Variants in PIGN observed in about 807,000 individuals in gnomAD.
PIGN encodes phosphatidylinositol glycan anchor biosynthesis class N.
In PIGN, 117 loss-of-function variants were observed where a neutral mutation model predicts 125.4. That is an observed-to-expected ratio of 0.93 (90% CI 0.80 to 1.09). The LOEUF is 1.09. Ranked by LOEUF, PIGN falls within the 50% of genes least tolerant of loss-of-function variation. PIGN has a pLI of 0.00. For synonymous variants in PIGN, 392 were observed against 377.8 expected (o/e 1.04, Z -0.44); for missense variants, 1,075 against 1,094.9 (o/e 0.98, Z 0.26).
chr18:62,119,416 C>CTATT (rs2035211775), intron 14 of PIGN, among the ~76,000 whole-genome samples: 4 of 152,252 alleles, frequency 2.6e-5, no homozygotes, highest in African/African-American at 7.2e-5. Flanking sequence ...AGAACAGAAT[C>CTATT]TATTTTTTTA....
Position 62,161,321 on chromosome 18 carries a change from T to G in PIGN, c.33A>C (p.Ile11=). The G allele has an allele frequency of 6.2e-7, 1 of 1,613,228 alleles. No individual in the cohort carries two copies. The highest frequency in any genetic ancestry group is 1.3e-5 in the African/African-American group (1 of 75,042). Reference sequence around the variant, plus strand: ...AGATGGAGGCGAAGAACACAAAATGTATAAGCAATCCCAAAGTAAAGAACA... The same window carrying G: ...AGATGGAGGCGAAGAACACAAAATGGATAAGCAATCCCAAAGTAAAGAACA... MLLFFTLGLL[I]HFVFFASIFD... is the part of the protein sequence containing the mutation. Residue 11 remains isoleucine (I), a synonymous_variant, in exon 4 of 31, where the codon ATA becomes ATC. Transcript: ENST00000640252.
intron 4 of PIGN, among the ~76,000 whole-genome samples, chr18:62,160,276 G>A (rs1243512242): frequency 6.6e-6 from 1 of 152,094 alleles, no homozygotes; most frequent in East Asian, 1.9e-4. Context: ...CCACTAATCA[G>A]AAAAAGAGCA....
chr18:62,140,293 G>A, intron 12 of PIGN, 127 bp downstream of exon 12: 2 of 470,812 alleles, frequency 4.2e-6, no homozygotes, highest in South Asian at 2.9e-5. Flanking sequence ...ACCAGCCTGG[G>A]CAACATAGCA....
intron 16 of PIGN, among the ~76,000 whole-genome samples, chr18:62,111,516 T>A (rs960246790): frequency 6.6e-6 from 1 of 152,218 alleles, no homozygotes; most frequent in Non-Finnish European, 1.5e-5. Context: ...TTACATATCT[T>A]AAAGTTTTCT....
intron 1 of PIGN, among the ~76,000 whole-genome samples, chr18:62,183,339 G>A (rs1303705502): frequency 6.6e-6 from 1 of 151,530 alleles, no homozygotes; most frequent in East Asian, 1.9e-4. Flanking sequence ...GTCTTTTATA[G>A]ACTAGCCTCT....
intron 1 of PIGN, among the ~76,000 whole-genome samples, chr18:62,175,455 T>G (rs2037491855): frequency 6.6e-6 from 1 of 152,230 alleles, no homozygotes; most frequent in Non-Finnish European, 1.5e-5. Context: ...ATTTCCATTT[T>G]CTTCCCTTTC....
chr18:62,120,204 GGGGGAAGGGGAA>G (rs74265165), intron 14 of PIGN, among the ~76,000 whole-genome samples: 6 of 151,888 alleles, frequency 4.0e-5, no homozygotes, highest in Non-Finnish European at 8.8e-5. Flanking sequence ...AAAAGCAGCT[GGGGGAAGGGGAA>G]GGGGAAGGGG....
chr18:62,153,382 G>A (rs919948778), intron 7 of PIGN: 16 of 152,020 alleles, frequency 1.1e-4, no homozygotes, highest in South Asian at 6.2e-4. Flanking sequence ...GTTCACTACC[G>A]TGTCAAGACT....
chr18:62,068,191 G>A (rs182726837), intron 30 of PIGN, among the ~76,000 whole-genome samples: 20 of 152,288 alleles, frequency 1.3e-4, no homozygotes, highest in Non-Finnish European at 2.5e-4. Context: ...CCATGGGGAT[G>A]AAGGAAGGAG....
intron 28 of PIGN, among the ~76,000 whole-genome samples, chr18:62,076,311 T>A (rs961595529): frequency 1.3e-5 from 2 of 152,232 alleles, no homozygotes; most frequent in African/African-American, 4.8e-5. Flanking sequence ...CATCTGTATA[T>A]CTTCTTCAGG....
intron 16 of PIGN, chr18:62,110,297 A>G (rs940308733): frequency 1.2e-5 from 3 of 241,174 alleles, no homozygotes; most frequent in African/African-American, 6.8e-5. Flanking sequence ...ATAAATGTTG[A>G]TTGAGTTCTC....
chr18:62,164,035 G>A (rs555214663), intron 1 of PIGN, among the ~76,000 whole-genome samples: 8 of 152,248 alleles, frequency 5.3e-5, no homozygotes, highest in Admixed American at 1.3e-4. Context: ...ACTGAAATCA[G>A]AACATTGCAT....
chr18:62,032,007 T>C (rs919619), intron 23 of PIGN, among the ~76,000 whole-genome samples: 2 of 152,032 alleles, frequency 1.3e-5, no homozygotes, highest in African/African-American at 2.4e-5. Flanking sequence ...GTTCCTTGGC[T>C]TGTGGCTGCA....
At chr18:62,129,138 T>C (rs1400285703) in intron 14 of PIGN, among the ~76,000 whole-genome samples, 1 of 152,162 alleles carries the variant, frequency 6.6e-6, no homozygotes, top group Admixed American at 6.6e-5. Context: ...CGAGAGCAGA[T>C]GGTGTACAAC....
chr18:62,034,278 A>C (rs991245532), intron 23 of PIGN, among the ~76,000 whole-genome samples: 25 of 152,160 alleles, frequency 1.6e-4, no homozygotes, highest in African/African-American at 6.0e-4. Flanking sequence ...TGGTCTCACT[A>C]TGTTGCCCAG....
chr18:62,067,097 C>A (rs35468763), intron 30 of PIGN, among the ~76,000 whole-genome samples: 1 of 148,910 alleles, frequency 6.7e-6, no homozygotes, highest in South Asian at 2.1e-4. Context: ...TAATGAAAAG[C>A]AACAATCTTT....
At chr18:62,148,449 G>A (rs998023737) in intron 7 of PIGN, 111 bp from the exon 8 acceptor site, 45 of 725,690 alleles carry the variant, frequency 6.2e-5, no homozygotes, top group African/African-American at 4.8e-4. Flanking sequence ...ATTATCTCAC[G>A]TTGTTTAAAT....
chr18:62,113,035 C>A (rs969857393), intron 16 of PIGN, 99 bp downstream of exon 16: 2 of 860,172 alleles, frequency 2.3e-6, no homozygotes, highest in Non-Finnish European at 3.5e-6. Flanking sequence ...CAAGAGTTAG[C>A]TTAGAACAAT....
intron 30 of PIGN, among the ~76,000 whole-genome samples, chr18:62,059,595 T>C (rs928587251): frequency 1.3e-5 from 2 of 152,174 alleles, no homozygotes; most frequent in Admixed American, 6.5e-5. Context: ...ATGTCCACAA[T>C]AGGCAAATCT....
Sources: gnomAD v4.1 joint callset for allele counts (sites outside exome capture counted in the v4.1 genomes callset) on GRCh38, gnomAD v4.1.1 for gene constraint, MANE v1.5 for transcripts, NCBI Gene and HGNC (gene_info 2026-07-23, HGNC 2026-07-21) for gene names.